Variants in ADD2 observed in about 807,000 individuals in gnomAD.
ADD2 encodes adducin 2, also known as beta-adducin.
A neutral mutation model predicts 83.0 loss-of-function variants in ADD2; 23 were observed. The observed-to-expected ratio is 0.28, with a 90% CI of 0.20 to 0.39. The LOEUF is 0.39. Ranked by LOEUF, ADD2 falls within the 10% of genes least tolerant of loss-of-function variation. The pLI is 1.00. For synonymous variants in ADD2, 375 were observed against 375.4 expected, an observed-to-expected ratio of 1.00 and a Z score of 0.01; for missense variants, 758 against 944.9, an observed-to-expected ratio of 0.80 and a Z score of 2.59.
At chr2:70,753,673 G>A (rs1674628061) in intron 1 of ADD2, among the ~76,000 whole-genome samples, 2 of 152,112 alleles carry the variant, frequency 1.3e-5, no homozygotes. Context: ...CAGAAAGGTG[G>A]GTGGGGTGGA....
intron 1 of ADD2, among the ~76,000 whole-genome samples, chr2:70,729,804 A>AGAC (rs1329083626): frequency 6.6e-6 from 1 of 152,204 alleles, no homozygotes; most frequent in African/African-American, 2.4e-5. Context: ...TGAGAGATGG[A>AGAC]GATGTCAACT....
chr2:70,741,134 G>T (rs1447974571), intron 1 of ADD2, among the ~76,000 whole-genome samples: 4 of 152,198 alleles, frequency 2.6e-5, no homozygotes, highest in East Asian at 3.8e-4. Flanking sequence ...TGCAGAGAAA[G>T]TTACCAAATA....
Position 70,695,771 on chromosome 2 carries a change from G to A in ADD2, c.505C>T (p.Leu169=), listed in dbSNP as rs1553372496. The change falls in exon 6 of 16, where the codon CTG becomes TTG. Residue 169 remains leucine (L), a synonymous_variant. Transcript: ENST00000264436. ...CAAGAAACTCCCTTAGGGCTGATCAGGAAGTGGTCCTGCTCCTTGCTGACT... is the reference window on the plus strand; with the variant it reads ...CAAGAAACTCCCTTAGGGCTGATCAAGAAGTGGTCCTGCTCCTTGCTGACT... ...LRVSKEQDHF[L]ISPKGVSCSE... is the part of the protein sequence containing the mutation. The A allele has an allele frequency of 1.9e-6, 3 of 1,614,172 alleles. No individual in the cohort carries two copies. In the East Asian group the frequency reaches 6.7e-5, roughly 36 times the overall value.
At chr2:70,671,016 GCCCTT>G (rs1473514365) in intron 15 of ADD2, among the ~76,000 whole-genome samples, 1 of 152,192 alleles carries the variant, frequency 6.6e-6, no homozygotes, top group Non-Finnish European at 1.5e-5. Context: ...CCCATTGCAT[GCCCTT>G]CCTGGCCCTT....
At chr2:70,702,472 T>C (rs1024292190) in intron 4 of ADD2, among the ~76,000 whole-genome samples, 2 of 152,190 alleles carry the variant, frequency 1.3e-5, no homozygotes, top group African/African-American at 4.8e-5. Flanking sequence ...TGGCCTAAAG[T>C]TATTGTAAAG....
At chr2:70,736,361 C>T (rs553366488) in intron 1 of ADD2, among the ~76,000 whole-genome samples, 10 of 152,134 alleles carry the variant, frequency 6.6e-5, no homozygotes, top group Non-Finnish European at 1.2e-4. Context: ...AACACAGCAC[C>T]GGTTAACTGG....
At chr2:70,669,935 C>T (rs1669833526) in intron 15 of ADD2, among the ~76,000 whole-genome samples, 1 of 152,184 alleles carries the variant, frequency 6.6e-6, no homozygotes, top group South Asian at 2.1e-4. Flanking sequence ...AGCCTTCTAG[C>T]TGCCCCTGCT....
chr2:70,744,643 G>A (rs1340826643), intron 1 of ADD2, among the ~76,000 whole-genome samples: 3 of 152,210 alleles, frequency 2.0e-5, no homozygotes, highest in African/African-American at 4.8e-5. Flanking sequence ...TGAGATTCGA[G>A]CACAGAGGAA....
At chr2:70,696,660 C>T (rs1223783838) in intron 4 of ADD2, among the ~76,000 whole-genome samples, 1 of 152,124 alleles carries the variant, frequency 6.6e-6, no homozygotes, top group Non-Finnish European at 1.5e-5. Context: ...CTGGGAATGC[C>T]ACACAGGTTC....
At chr2:70,736,882 AAAAC>A (rs1332781443) in intron 1 of ADD2, among the ~76,000 whole-genome samples, 1 of 152,182 alleles carries the variant, frequency 6.6e-6, no homozygotes, top group Non-Finnish European at 1.5e-5. Context: ...TAAAAAGGAA[AAAAC>A]AAACAACCCC....
intron 1 of ADD2, among the ~76,000 whole-genome samples, chr2:70,727,703 T>G (rs1553378533): frequency 1.3e-5 from 2 of 152,030 alleles, no homozygotes; most frequent in African/African-American, 4.8e-5. Context: ...AAGACTAGCC[T>G]GGCCAACATG....
intron 4 of ADD2, among the ~76,000 whole-genome samples, chr2:70,697,168 A>G (rs1206621765): frequency 6.6e-6 from 1 of 152,224 alleles, no homozygotes; most frequent in Admixed American, 6.5e-5. Flanking sequence ...CAAAAAAAGA[A>G]AGCCAGATCA....
At chr2:70,672,404 A>T (rs1398048765) in intron 15 of ADD2, among the ~76,000 whole-genome samples, 1 of 152,194 alleles carries the variant, frequency 6.6e-6, no homozygotes, top group Non-Finnish European at 1.5e-5. Flanking sequence ...GGATCCAAGA[A>T]TCAAGACGGT....
At chr2:70,665,831 T>TTTTTCCTGAAACAGTCCTG (rs1180851676) in intron 15 of ADD2, among the ~76,000 whole-genome samples, 1 of 144,288 alleles carries the variant, frequency 6.9e-6, no homozygotes, top group African/African-American at 2.6e-5. Flanking sequence ...TTTTTTTTTT[T>TTTTTCCTGAAACAGTCCTG]CCCGAAACAG....
intron 15 of ADD2, among the ~76,000 whole-genome samples, chr2:70,667,536 T>C (rs537048297): frequency 6.6e-6 from 1 of 152,304 alleles, no homozygotes; most frequent in East Asian, 1.9e-4. Flanking sequence ...TTAATTTTAA[T>C]GTGTCAGCTT....
At chr2:70,673,746 A>G (rs1670007356) in intron 14 of ADD2, among the ~76,000 whole-genome samples, 1 of 152,174 alleles carries the variant, frequency 6.6e-6, no homozygotes, top group Non-Finnish European at 1.5e-5. Flanking sequence ...TTTGGCGTGT[A>G]CCACCATGCC....
intron 1 of ADD2, among the ~76,000 whole-genome samples, chr2:70,733,128 C>T (rs1429634313): frequency 6.6e-6 from 1 of 152,096 alleles, no homozygotes; most frequent in Admixed American, 6.6e-5. Flanking sequence ...TTTTATAAGC[C>T]CAGGGTCCAA....
chr2:70,741,090 A>T (rs1327756514), intron 1 of ADD2, among the ~76,000 whole-genome samples: 2 of 152,178 alleles, frequency 1.3e-5, no homozygotes, highest in African/African-American at 4.8e-5. Context: ...GATGTGGGAG[A>T]GGATGATTTA....
In ADD2 at chr2:70,687,507, C is replaced by T. The variant is rs557247582; in HGVS notation, c.948+517G>A. On this transcript the variant is annotated intron_variant, in intron 9 of 15. Transcript: ENST00000264436. ...GTTGCTCTGGCTGTTAAGGCTGCCA[C>T]GTCAACACTCTGATTGGTCTGCTTT... 791 of 154,676 alleles carry T rather than the reference C, an allele frequency of 5.1e-3. 3 individuals are homozygous for T. Among genetic ancestry groups the T allele is most frequent in the Non-Finnish European group, 8.0e-3 (563 of 70,014 alleles). The allele number at this position is 154,676 out of a possible 1,614,324, so 9.6% of individuals were successfully genotyped here.
Sources: allele counts gnomAD v4.1 joint callset (sites outside exome capture counted in the v4.1 genomes callset), GRCh38; gene constraint gnomAD v4.1.1; transcripts MANE v1.5; gene names NCBI Gene and HGNC (gene_info 2026-07-23, HGNC 2026-07-21).